CSN3: variants seen among roughly 807,000 people sequenced by gnomAD.
CSN3 encodes kappa-casein.
CSN3 carries 7 observed loss-of-function variants against 9.9 expected under a neutral mutation model. That is an observed-to-expected ratio of 0.71 (90% confidence interval 0.40 to 1.33). CSN3 has a LOEUF of 1.33. Among genes scored for constraint, CSN3 ranks in the 40% most tolerant of loss-of-function variants. The pLI, the probability that CSN3 is intolerant of heterozygous loss-of-function variation, is 0.01. For missense variants in CSN3, 253 were observed against 227.9 expected (o/e 1.11, Z -0.71); for synonymous variants, 88 against 82.3 (o/e 1.07, Z -0.37).
chr4:70,248,856 A>G, intron 3 of CSN3, 142 bp from the exon 4 acceptor site: 1 of 473,216 alleles, frequency 2.1e-6, no homozygotes, highest in South Asian at 7.0e-5. Context: ...ACATCTTATA[A>G]AATAATATTG....
At chr4:70,241,239 G>T (rs62308373), upstream of CSN3, among the ~76,000 whole-genome samples, 17,245 of 151,882 alleles carry the variant, frequency 0.11, 1,296 homozygotes, top group East Asian at 0.27. Context: ...AGAATGGCTG[G>T]TGTTATTACT....
chr4:70,250,698 G>A lies in CSN3; in HGVS notation c.*35-564G>A, dbSNP rs191763815. ...TAGGGATAAAAACCAGTAGGACTGA[G>A]GACATTAAGTAAATTATCACAGCTA... On this transcript the variant is annotated intron_variant, in intron 4 of 4. Coordinates refer to ENST00000304954, the Ensembl canonical transcript of CSN3. Among the ~76,000 whole-genome samples, 4 of 152,218 alleles carry A rather than the reference G, an allele frequency of 2.6e-5. No individual in the cohort carries two copies. The East Asian group carries it at 7.7e-4, about 29-fold the overall frequency.
rs576809215 is a variant in CSN3 at position 70,244,798 on chromosome 4, A to G, written c.-8-14A>G. ...AATTCTTTTAAATTAATTTTTTTTT[A>G]AATTTATCTTTAGGTGCAATAATGA... is the stretch of plus-strand genomic sequence containing the variant. On this transcript the variant is annotated splice_polypyrimidine_tract_variant and intron_variant, in intron 1 of 4. Transcript: ENST00000304954. 1 of 1,453,266 alleles carries G rather than the reference A, an allele frequency of 6.9e-7. No homozygotes were observed. Among genetic ancestry groups the G allele is most frequent in the Non-Finnish European group, 9.2e-7 (1 of 1,083,538 alleles). 90.0% of individuals were successfully genotyped at this position (1,453,266 alleles called of 1,614,324 possible).
intron 2 of CSN3, 46 bp downstream of exon 2, chr4:70,244,919 T>G: frequency 8.0e-7 from 1 of 1,255,594 alleles, no homozygotes; most frequent in Non-Finnish European, 1.1e-6. Context: ...TTAAGAAAAT[T>G]TTGTTTAAGG....
In CSN3 at chr4:70,244,873, G is replaced by GGT. The variant is rs1376785150; in HGVS notation, c.54+1_54+2dup. 1.3e-6 allele frequency: 2 copies of GGT among 1,559,850 alleles called. No individual in the cohort carries two copies. The highest frequency in any genetic ancestry group is 2.6e-5 in the South Asian group (2 of 78,300). ...CCCTGGCATTAACCCTGCCTTTTTTGGTAAGTTAATTTCATCTAACCAGAT... is the reference window on the plus strand; with the variant it reads ...CCCTGGCATTAACCCTGCCTTTTTTGGTGTAAGTTAATTTCATCTAACCAGAT... On this transcript the variant is annotated frameshift_variant and splice_region_variant. Transcript: ENST00000304954. LOFTEE classifies it high-confidence loss of function.
chr4:70,248,496 T>G (rs1730421887), intron 3 of CSN3, among the ~76,000 whole-genome samples: 1 of 152,166 alleles, frequency 6.6e-6, no homozygotes, highest in Admixed American at 6.6e-5. Flanking sequence ...TATTCTGCTA[T>G]AGTTTAGGAA....
upstream of CSN3, among the ~76,000 whole-genome samples, chr4:70,240,199 G>A (rs1448515745): frequency 1.3e-5 from 2 of 151,974 alleles, no homozygotes; most frequent in Non-Finnish European, 2.9e-5. Flanking sequence ...TAAAAAAAGA[G>A]TGTATATGAG....
exon 2 of CSN3, chr4:70,244,828 T>C: frequency 1.3e-6 from 2 of 1,559,628 alleles, no homozygotes; most frequent in Non-Finnish European, 1.7e-6. Context: ...TAATGAAGAG[T>C]TTTCTTCTAG....
At chr4:70,248,193 G>C (rs17148397) in intron 3 of CSN3, among the ~76,000 whole-genome samples, 17,391 of 152,112 alleles carry the variant, frequency 0.11, 1,317 homozygotes, top group East Asian at 0.27. Flanking sequence ...GACAAGGGAA[G>C]ATCCTTTTCT....
chr4:70,248,286 T>C (rs977916698), intron 3 of CSN3, among the ~76,000 whole-genome samples: 3 of 152,176 alleles, frequency 2.0e-5, no homozygotes, highest in African/African-American at 7.2e-5. Context: ...TTTAAATGTG[T>C]CTCGTTTTAG....
chr4:70,239,702 G>T (rs1396010090), upstream of CSN3, among the ~76,000 whole-genome samples: 1 of 151,870 alleles, frequency 6.6e-6, no homozygotes, highest in African/African-American at 2.4e-5. Context: ...AGAGATTGTG[G>T]CTGTCTACTA....
chr4:70,249,129 T>C, exon 4 of CSN3: 1 of 1,614,066 alleles, frequency 6.2e-7, no homozygotes, highest in Non-Finnish European at 8.5e-7. Flanking sequence ...CAATTAATAA[T>C]CCATATGTGC....
intron 4 of CSN3, 49 bp downstream of exon 4, chr4:70,249,542 T>A: frequency 1.9e-6 from 2 of 1,075,426 alleles, no homozygotes; most frequent in Admixed American, 2.4e-5. Flanking sequence ...AAGCATGGAT[T>A]TATGAATACA....
At chr4:70,251,352 C>T (rs1478876681) in exon 5 of CSN3, 1 of 152,172 alleles carries the variant, frequency 6.6e-6, no homozygotes, top group African/African-American at 2.4e-5. Context: ...ACAGATTCAG[C>T]TCTTCTCTCC....
chr4:70,248,733 T>C (rs1730425521), intron 3 of CSN3, among the ~76,000 whole-genome samples: 1 of 151,954 alleles, frequency 6.6e-6, no homozygotes, highest in Non-Finnish European at 1.5e-5. Flanking sequence ...GGCAATATGG[T>C]TTACATTATG....
intron 4 of CSN3, among the ~76,000 whole-genome samples, chr4:70,250,545 T>C (rs1003903600): frequency 6.6e-6 from 1 of 152,114 alleles, no homozygotes; most frequent in Non-Finnish European, 1.5e-5. Flanking sequence ...ATGTCATGTA[T>C]TGGAAAAGAT....
At chr4:70,240,589 C>A (rs932870040), upstream of CSN3, among the ~76,000 whole-genome samples, 1 of 151,974 alleles carries the variant, frequency 6.6e-6, no homozygotes, top group Non-Finnish European at 1.5e-5. Context: ...TTCGAAAACG[C>A]AAGAGCATTG....
upstream of CSN3, among the ~76,000 whole-genome samples, chr4:70,239,662 G>C (rs1470450298): frequency 6.6e-6 from 1 of 151,852 alleles, no homozygotes; most frequent in African/African-American, 2.4e-5. Flanking sequence ...TCAGGAGAAA[G>C]CACTATCTCC....
At chr4:70,249,799 C>T (rs1730450174) in intron 4 of CSN3, among the ~76,000 whole-genome samples, 1 of 152,148 alleles carries the variant, frequency 6.6e-6, no homozygotes, top group Non-Finnish European at 1.5e-5. Flanking sequence ...TATTCACACA[C>T]AAACTATGAC....
Sources: allele counts gnomAD v4.1 joint callset (sites outside exome capture counted in the v4.1 genomes callset), GRCh38; gene constraint gnomAD v4.1.1; transcripts MANE v1.5; gene names NCBI Gene and HGNC (gene_info 2026-07-23, HGNC 2026-07-21).